Variants in GRIP1 observed in about 807,000 individuals in gnomAD.
GRIP1 encodes glutamate receptor interacting protein 1.
GRIP1 carries 45 observed loss-of-function variants against 129.9 expected under a neutral mutation model. The observed-to-expected ratio is 0.35, with a 90% CI of 0.27 to 0.44. The LOEUF (loss-of-function observed/expected upper bound fraction) is 0.44. Among genes scored for constraint, GRIP1 ranks in the 20% least tolerant of loss-of-function variants. The pLI is 1.00. For missense variants in GRIP1, 1,196 were observed against 1,396.8 expected (o/e 0.86, Z 2.29); for synonymous variants, 530 against 520.8 (o/e 1.02, Z -0.24).
chr12:66,638,551 T>C (rs2031623834), intron 1 of GRIP1, among the ~76,000 whole-genome samples: 1 of 152,168 alleles, frequency 6.6e-6, no homozygotes, highest in East Asian at 1.9e-4. Flanking sequence ...AGTTAACAAG[T>C]CAAGAGCTAA....
Position 66,474,349 on chromosome 12 carries a change from T to A in GRIP1, c.725-8927A>T, listed in dbSNP as rs924637479. On this transcript the variant is annotated intron_variant, in intron 7 of 24. Coordinates refer to ENST00000359742, the MANE Select transcript of GRIP1 (RefSeq NM_001366722.1). The stretch of plus-strand genomic sequence containing the variant: ...TATGTGAAAAGACCAAACCTACATT[T>A]GATTGGTGTACCTGAAAGTGACAGA... Among the ~76,000 whole-genome samples the A allele has an allele frequency of 2.0e-5, 3 of 152,024 alleles. No individual in the cohort carries two copies. The South Asian group carries it at 6.2e-4, about 32-fold the overall frequency.
chr12:66,637,994 A>T (rs1221925641), intron 1 of GRIP1, among the ~76,000 whole-genome samples: 1 of 152,222 alleles, frequency 6.6e-6, no homozygotes, highest in Non-Finnish European at 1.5e-5. Flanking sequence ...TGAACACTAA[A>T]AATTCTTTTG....
chr12:67,052,301 A>G (rs1015781573), intron 1 of GRIP1, among the ~76,000 whole-genome samples: 6 of 152,228 alleles, frequency 3.9e-5, no homozygotes, highest in Admixed American at 6.5e-5. Flanking sequence ...ACCTTCTAAA[A>G]TGACCCTCAG....
At chr12:66,571,612 C>T (rs996065594) in intron 2 of GRIP1, among the ~76,000 whole-genome samples, 3 of 151,984 alleles carry the variant, frequency 2.0e-5, no homozygotes, top group African/African-American at 7.3e-5. Context: ...CCTATTGATG[C>T]CTTTAAAAGT....
Position 66,859,267 on chromosome 12 carries a change from ACAAAAAAACAAAAAAAC to A in GRIP1, c.58+209766_58+209782del, listed in dbSNP as rs749165716. Among the ~76,000 whole-genome samples, 436 of 124,590 alleles carry A rather than the reference ACAAAAAAACAAAAAAAC, an allele frequency of 3.5e-3. 5 individuals carry two copies. Among genetic ancestry groups the A allele is most frequent in the Non-Finnish European group, 5.9e-3 (344 of 58,676 alleles). 81.7% of individuals were successfully genotyped at this position (124,590 alleles called of 152,430 possible). A position where few individuals can be genotyped will look rare whatever the true frequency, so the allele number is the denominator to read the frequency against. ...TATTCTCCACATTTTCTGAAAAAAA[ACAAAAAAACAAAAAAAC>A]AAAAAAACAAAAAAACAAAAAAAAA... On this transcript the variant is annotated intron_variant, in intron 1 of 1. Transcript: ENST00000643019.
Position 66,420,798 on chromosome 12 carries a change from A to G in GRIP1, c.1769-9T>C. ...TTTTCTACTGGATGGTGCTGTAATA[A>G]TGGAGATAGAATAATCACATCTTTA... is the stretch of plus-strand genomic sequence containing the variant. On this transcript the variant is annotated splice_polypyrimidine_tract_variant and intron_variant, in intron 14 of 24. Transcript: ENST00000359742. The G allele has an allele frequency of 6.8e-7, 1 of 1,471,302 alleles. No individual in the cohort carries two copies. The highest frequency in any genetic ancestry group is 9.5e-7 in the Non-Finnish European group (1 of 1,049,640). 91.1% of individuals were successfully genotyped at this position (1,471,302 alleles called of 1,614,324 possible). A position where few individuals can be genotyped will look rare whatever the true frequency, so the allele number is the denominator to read the frequency against.
At chr12:66,562,657 G>T (rs1357318121) in intron 2 of GRIP1, among the ~76,000 whole-genome samples, 1 of 152,178 alleles carries the variant, frequency 6.6e-6, no homozygotes, top group Middle Eastern at 3.4e-3. Context: ...GAGTTTTTAT[G>T]AAAAATCTGG....
intron 1 of GRIP1, among the ~76,000 whole-genome samples, chr12:66,875,097 T>G (rs183303095): frequency 2.0e-5 from 3 of 152,210 alleles, no homozygotes; most frequent in Admixed American, 2.0e-4. Flanking sequence ...TTAATAAGCA[T>G]TTGTAAAATG....
At chr12:66,583,495 C>T (rs1177435984) in intron 2 of GRIP1, among the ~76,000 whole-genome samples, 22 of 126,914 alleles carry the variant, frequency 1.7e-4, no homozygotes, top group South Asian at 7.9e-4. Context: ...AGAAAATTTT[C>T]GCAACCTACT....
At chr12:66,435,659 G>C (rs2138005139) in intron 13 of GRIP1, among the ~76,000 whole-genome samples, 1 of 152,184 alleles carries the variant, frequency 6.6e-6, no homozygotes, top group East Asian at 1.9e-4. Context: ...GAAACACAAG[G>C]GCCAGAAAAT....
chr12:66,834,553 C>A (rs889759096), intron 1 of GRIP1, among the ~76,000 whole-genome samples: 1 of 152,118 alleles, frequency 6.6e-6, no homozygotes, highest in African/African-American at 2.4e-5. Context: ...GTTAATTAAT[C>A]AATAGTACAG....
At chr12:66,552,159 C>T (rs2062163161) in intron 2 of GRIP1, among the ~76,000 whole-genome samples, 1 of 152,098 alleles carries the variant, frequency 6.6e-6, no homozygotes, top group Admixed American at 6.5e-5. Flanking sequence ...TCAAAGACAA[C>T]TAAGAGGACA....
At chr12:66,567,465 C>T (rs1173965551) in intron 2 of GRIP1, 1 of 152,188 alleles carries the variant, frequency 6.6e-6, no homozygotes, top group African/African-American at 2.4e-5. Flanking sequence ...TTATAACAAA[C>T]TGTCTCTCAG....
At chr12:67,037,905 A>T (rs1224380856) in intron 1 of GRIP1, among the ~76,000 whole-genome samples, 6 of 152,192 alleles carry the variant, frequency 3.9e-5, no homozygotes, top group Non-Finnish European at 5.9e-5. Context: ...CTTTTAAAAA[A>T]CTTTTAATCC....
chr12:66,890,713 G>A (rs2040644309), intron 1 of GRIP1, among the ~76,000 whole-genome samples: 1 of 152,188 alleles, frequency 6.6e-6, no homozygotes, highest in Non-Finnish European at 1.5e-5. Context: ...GAACACAAAT[G>A]AGTTTATTAT....
In GRIP1 at chr12:66,642,301, C is replaced by T. The variant is rs576994707; in HGVS notation, c.55+36549G>A. ...GAACTCCAGCAAGAGGGAACTCCAG[C>T]TAGAACTCCAGCATGTGAAAGGCAG... is the stretch of plus-strand genomic sequence containing the variant. On this transcript the variant is annotated intron_variant, in intron 1 of 24. Coordinates refer to ENST00000359742, the MANE Select transcript of GRIP1 (RefSeq NM_001366722.1). Among the ~76,000 whole-genome samples, 3 of 151,048 alleles carry T rather than the reference C, an allele frequency of 2.0e-5. No homozygotes were observed. In the South Asian group the frequency reaches 6.3e-4, roughly 32 times the overall value.
intron 2 of GRIP1, among the ~76,000 whole-genome samples, chr12:66,566,797 C>A (rs2139456608): frequency 6.6e-6 from 1 of 152,238 alleles, no homozygotes; most frequent in South Asian, 2.1e-4. Flanking sequence ...TTAATCATTG[C>A]TTCAATTTCA....
chr12:66,397,223 A>G (rs1460751465), intron 16 of GRIP1, among the ~76,000 whole-genome samples: 1 of 150,288 alleles, frequency 6.7e-6, no homozygotes, highest in African/African-American at 2.4e-5. Context: ...ATAAAAAGGT[A>G]TCTATTGGCC....
intron 1 of GRIP1, among the ~76,000 whole-genome samples, chr12:66,728,048 A>T (rs1355744660): frequency 6.6e-6 from 1 of 152,240 alleles, no homozygotes; most frequent in East Asian, 1.9e-4. Context: ...TTTATAAAAA[A>T]GACCAGATGC....
Sources: gnomAD v4.1 joint callset for allele counts (sites outside exome capture counted in the v4.1 genomes callset) on GRCh38, gnomAD v4.1.1 for gene constraint, MANE v1.5 for transcripts, NCBI Gene and HGNC (gene_info 2026-07-23, HGNC 2026-07-21) for gene names.